Variants in DLG2 observed in about 807,000 individuals in gnomAD.
DLG2 encodes the protein discs large MAGUK scaffold protein 2.
A neutral mutation model predicts 132.5 loss-of-function variants in DLG2; 45 were observed. That is an observed-to-expected ratio of 0.34 (90% CI 0.27 to 0.44). The LOEUF (loss-of-function observed/expected upper bound fraction) is 0.44, where lower values mean the gene tolerates loss of function less well. Among genes scored for constraint, DLG2 ranks in the 20% least tolerant of loss-of-function variants. The probability of loss-of-function intolerance (pLI) is 1.00; values close to 1 mark genes in which losing one functional copy is unlikely to be tolerated. For synonymous variants in DLG2, 424 were observed against 419.6 expected (o/e 1.01, Z -0.13); for missense variants, 1,045 against 1,196.9 (o/e 0.87, Z 1.87).
intron 7 of DLG2, among the ~76,000 whole-genome samples, chr11:84,377,281 T>C (rs1016680184): frequency 1.3e-5 from 2 of 151,940 alleles, no homozygotes; most frequent in African/African-American, 4.8e-5. Context: ...TCAAGAGTCA[T>C]TGGTATCATT....
intron 7 of DLG2, among the ~76,000 whole-genome samples, chr11:84,377,192 G>C (rs560064590): frequency 4.6e-5 from 7 of 152,044 alleles, no homozygotes; most frequent in African/African-American, 1.7e-4. Context: ...TTATTTTTTA[G>C]TTTATAGAAA....
chr11:83,917,185 C>T (rs1328546991), intron 15 of DLG2, among the ~76,000 whole-genome samples: 2 of 152,164 alleles, frequency 1.3e-5, no homozygotes, highest in South Asian at 2.1e-4. Flanking sequence ...GCTTAGCATG[C>T]TAAACAAACT....
At chr11:85,434,927 A>G (rs2091395047) in intron 3 of DLG2, among the ~76,000 whole-genome samples, 2 of 152,198 alleles carry the variant, frequency 1.3e-5, no homozygotes, top group South Asian at 4.1e-4. Context: ...CCTCTATAAA[A>G]TACTGGCAAA....
At chr11:84,218,087 G>T (rs1486022323) in intron 8 of DLG2, among the ~76,000 whole-genome samples, 1 of 152,062 alleles carries the variant, frequency 6.6e-6, no homozygotes, top group South Asian at 2.1e-4. Flanking sequence ...AGAATCATTT[G>T]AACCCAGGAG....
chr11:85,357,411 C>G (rs1355589655), intron 3 of DLG2, among the ~76,000 whole-genome samples: 1 of 150,314 alleles, frequency 6.7e-6, no homozygotes, highest in African/African-American at 2.5e-5. Context: ...CCAGGATGGT[C>G]TCAATCTCCT....
chr11:83,992,039 G>T (rs2093746305), intron 11 of DLG2, among the ~76,000 whole-genome samples: 1 of 152,092 alleles, frequency 6.6e-6, no homozygotes, highest in South Asian at 2.1e-4. Context: ...AAATCTGTAA[G>T]CCAAGGAACA....
At chr11:85,078,753 G>C (rs2154170621) in intron 6 of DLG2, among the ~76,000 whole-genome samples, 1 of 152,096 alleles carries the variant, frequency 6.6e-6, no homozygotes, top group East Asian at 1.9e-4. Context: ...ACCTTCATAG[G>C]TTAAGATGAG....
chr11:84,157,707 CG>C (rs2095459199), intron 9 of DLG2, among the ~76,000 whole-genome samples: 1 of 152,216 alleles, frequency 6.6e-6, no homozygotes, highest in Admixed American at 6.5e-5. Flanking sequence ...ATCTACTTAT[CG>C]TCATAGTTTT....
At chr11:84,720,932 G>T (rs1240391118) in intron 6 of DLG2, 1 of 149,272 alleles carries the variant, frequency 6.7e-6, no homozygotes, top group Non-Finnish European at 1.5e-5. Flanking sequence ...GGGAGCGCTG[G>T]CCGGGCAAGT....
At chr11:83,741,831 A>G (rs557410575) in intron 18 of DLG2, among the ~76,000 whole-genome samples, 1 of 151,906 alleles carries the variant, frequency 6.6e-6, no homozygotes, top group African/African-American at 2.4e-5. Context: ...ACTTGGTGAA[A>G]CCCTGTCTCT....
At chr11:84,431,851 G>C (rs965723197) in intron 7 of DLG2, among the ~76,000 whole-genome samples, 2 of 151,984 alleles carry the variant, frequency 1.3e-5, no homozygotes, top group African/African-American at 4.8e-5. Context: ...GTGAAATCAA[G>C]ATGCATCTTG....
chr11:83,882,648 T>C (rs73522990), intron 15 of DLG2, among the ~76,000 whole-genome samples: 337 of 152,362 alleles, frequency 2.2e-3, no homozygotes, highest in African/African-American at 7.9e-3. Flanking sequence ...TATGCCACTA[T>C]ACAATCATAT....
chr11:84,757,749 T>C (rs2067076420), intron 6 of DLG2, among the ~76,000 whole-genome samples: 1 of 152,216 alleles, frequency 6.6e-6, no homozygotes, highest in Admixed American at 6.5e-5. Flanking sequence ...TAGTTGTATT[T>C]GATTCCAAAT....
chr11:84,827,345 A>C (rs1321896301), intron 6 of DLG2, among the ~76,000 whole-genome samples: 2 of 151,714 alleles, frequency 1.3e-5, no homozygotes, highest in African/African-American at 4.8e-5. Flanking sequence ...ACAGCTCAGA[A>C]ACCAGCTAGA....
intron 6 of DLG2, among the ~76,000 whole-genome samples, chr11:85,097,679 CA>C (rs909350212): frequency 1.3e-5 from 2 of 152,170 alleles, no homozygotes; most frequent in Non-Finnish European, 2.9e-5. Flanking sequence ...CTGTATCCTA[CA>C]AAAAGCTGTA....
At chr11:84,054,710 T>C (rs2154124998) in intron 11 of DLG2, among the ~76,000 whole-genome samples, 1 of 152,168 alleles carries the variant, frequency 6.6e-6, no homozygotes, top group South Asian at 2.1e-4. Context: ...TTAGTAATTT[T>C]TGCAATAGAC....
chr11:83,856,545 T>A (rs975776213), intron 16 of DLG2, among the ~76,000 whole-genome samples: 2 of 152,194 alleles, frequency 1.3e-5, no homozygotes, highest in African/African-American at 4.8e-5. Context: ...TGAGATGGTA[T>A]CTCATTGTGG....
At chr11:84,491,000 G>T (rs763264143) in intron 7 of DLG2, among the ~76,000 whole-genome samples, 3 of 152,004 alleles carry the variant, frequency 2.0e-5, no homozygotes, top group Non-Finnish European at 4.4e-5. Context: ...AAGAGGTTAA[G>T]ACATTTACCT....
chr11:85,575,674 C>A (rs1486696615), intron 3 of DLG2, among the ~76,000 whole-genome samples: 2 of 152,104 alleles, frequency 1.3e-5, no homozygotes, highest in Non-Finnish European at 2.9e-5. Context: ...GATAACTATA[C>A]AACTCACTGT....
Sources: gnomAD v4.1 joint callset for allele counts (sites outside exome capture counted in the v4.1 genomes callset) on GRCh38, gnomAD v4.1.1 for gene constraint, MANE v1.5 for transcripts, NCBI Gene and HGNC (gene_info 2026-07-23, HGNC 2026-07-21) for gene names.